The following EPB41L4A variants were observed in gnomAD, a reference collection of about 807,000 sequenced individuals.
EPB41L4A encodes erythrocyte membrane protein band 4.1 like 4A, also known as band 4.1-like protein 4A.
A neutral mutation model predicts 108.6 loss-of-function variants in EPB41L4A; 100 were observed. That is an observed-to-expected ratio of 0.92 (90% CI 0.78 to 1.09). The LOEUF is 1.09. EPB41L4A is among the 50% of genes least tolerant of loss of function. The pLI, the probability that EPB41L4A is intolerant of heterozygous loss-of-function variation, is 0.00. For synonymous variants in EPB41L4A, 319 were observed against 289.0 expected, an observed-to-expected ratio of 1.10 and a Z score of -1.05; for missense variants, 1,030 against 842.7, an observed-to-expected ratio of 1.22 and a Z score of -2.75.
At chr5:112,157,203 A>C (rs1373783039) in intron 12 of EPB41L4A, among the ~76,000 whole-genome samples, 1 of 152,106 alleles carries the variant, frequency 6.6e-6, no homozygotes, top group Non-Finnish European at 1.5e-5. Context: ...ATCTGTGTAG[A>C]AAGGATGGGC....
intron 18 of EPB41L4A, among the ~76,000 whole-genome samples, chr5:112,182,238 T>A (rs1761196390): frequency 6.6e-6 from 1 of 152,104 alleles, no homozygotes. Flanking sequence ...GATGAGAGGA[T>A]CTGGCTGTAT....
chr5:112,214,554 G>C (rs932316036), intron 12 of EPB41L4A, among the ~76,000 whole-genome samples: 18 of 152,084 alleles, frequency 1.2e-4, no homozygotes, highest in African/African-American at 3.9e-4. Flanking sequence ...ATGAGGTCAG[G>C]AGATCGAGAC....
chr5:112,348,639 T>C (rs1757840135), intron 1 of EPB41L4A, among the ~76,000 whole-genome samples: 1 of 152,078 alleles, frequency 6.6e-6, no homozygotes, highest in South Asian at 2.1e-4. Flanking sequence ...GGGTGAGGAA[T>C]GTGATCAGAC....
intron 11 of EPB41L4A, among the ~76,000 whole-genome samples, chr5:112,236,824 G>A (rs1749371983): frequency 6.6e-6 from 1 of 152,188 alleles, no homozygotes; most frequent in South Asian, 2.1e-4. Flanking sequence ...TACTTTTGGA[G>A]GCTCCAATTT....
intron 4 of EPB41L4A, among the ~76,000 whole-genome samples, chr5:112,273,306 A>G (rs968863864): frequency 1.3e-5 from 2 of 152,202 alleles, no homozygotes; most frequent in African/African-American, 2.4e-5. Flanking sequence ...CTTTCAATAC[A>G]ACTGGTTGTA....
At chr5:112,269,968 G>A (rs918281922) in intron 4 of EPB41L4A, among the ~76,000 whole-genome samples, 7 of 152,156 alleles carry the variant, frequency 4.6e-5, no homozygotes, top group Admixed American at 3.3e-4. Flanking sequence ...CACAACACGA[G>A]AGACGGGCCT....
chr5:112,269,673 A>C (rs1161825130), intron 4 of EPB41L4A, among the ~76,000 whole-genome samples: 1 of 152,168 alleles, frequency 6.6e-6, no homozygotes, highest in Non-Finnish European at 1.5e-5. Context: ...TCACTTCATC[A>C]TTCTCTAAAG....
intron 2 of EPB41L4A, among the ~76,000 whole-genome samples, chr5:112,299,916 T>G (rs543500077): frequency 6.6e-6 from 1 of 152,338 alleles, no homozygotes; most frequent in East Asian, 1.9e-4. Flanking sequence ...TATAATGTCC[T>G]ACTTTGTCTT....
chr5:112,165,758 T>G (rs1760206873), intron 22 of EPB41L4A, among the ~76,000 whole-genome samples: 1 of 152,196 alleles, frequency 6.6e-6, no homozygotes, highest in South Asian at 2.1e-4. Context: ...GCATATTTCC[T>G]TCCCCAAATG....
chr5:112,203,650 T>C lies in EPB41L4A; in HGVS notation c.1376+725A>G, dbSNP rs545741280. Among the ~76,000 whole-genome samples the C allele has an allele frequency of 2.8e-4, 43 of 152,362 alleles. 1 individual carries two copies. In the South Asian group the frequency reaches 5.4e-3, roughly 19 times the overall value. On this transcript the variant is annotated intron_variant, in intron 15 of 22. Transcript: ENST00000261486. ...TAAAATGTAACAGGATTCATTTTTT[T>C]CTGTGCTTTAAAAGGCGTTTTTCAG...
At chr5:112,151,767 G>A (rs1053433261) in intron 12 of EPB41L4A, among the ~76,000 whole-genome samples, 1 of 147,508 alleles carries the variant, frequency 6.8e-6, no homozygotes, top group Non-Finnish European at 1.5e-5. Context: ...TTTCTCTATT[G>A]TTGCTCAAAC....
At chr5:112,332,794 T>A (rs907783779) in intron 1 of EPB41L4A, among the ~76,000 whole-genome samples, 1 of 152,236 alleles carries the variant, frequency 6.6e-6, no homozygotes, top group Non-Finnish European at 1.5e-5. Context: ...CTCTGCCATA[T>A]CTTCTAAAAA....
At chr5:112,396,058 T>C (rs1580825573) in intron 1 of EPB41L4A, among the ~76,000 whole-genome samples, 1 of 151,910 alleles carries the variant, frequency 6.6e-6, no homozygotes, top group South Asian at 2.1e-4. Context: ...ATGAGAACAC[T>C]TGGACACAGG....
At chr5:112,246,672 C>A (rs1232780319) in intron 9 of EPB41L4A, among the ~76,000 whole-genome samples, 2 of 152,148 alleles carry the variant, frequency 1.3e-5, no homozygotes, top group African/African-American at 4.8e-5. Flanking sequence ...GGTACAGTCA[C>A]CCCAGACACA....
intron 1 of EPB41L4A, among the ~76,000 whole-genome samples, chr5:112,369,967 G>A (rs764836622): frequency 6.6e-5 from 10 of 152,126 alleles, no homozygotes; most frequent in South Asian, 2.1e-4. Context: ...CTCTGCTCCC[G>A]ATTTTATCCA....
chr5:112,360,537 G>A (rs986036186), intron 1 of EPB41L4A, among the ~76,000 whole-genome samples: 2 of 152,214 alleles, frequency 1.3e-5, no homozygotes, highest in African/African-American at 4.8e-5. Context: ...GGCCTCCCGA[G>A]GTGCCGGGAT....
intron 1 of EPB41L4A, among the ~76,000 whole-genome samples, chr5:112,397,815 G>T (rs1761461091): frequency 6.6e-6 from 1 of 152,086 alleles, no homozygotes; most frequent in South Asian, 2.1e-4. Flanking sequence ...GAGAGTCAGG[G>T]ACTAAGTAAA....
At chr5:112,271,244 C>A (rs1470085296) in intron 4 of EPB41L4A, among the ~76,000 whole-genome samples, 1 of 152,190 alleles carries the variant, frequency 6.6e-6, no homozygotes, top group Non-Finnish European at 1.5e-5. Flanking sequence ...GATATGATTA[C>A]TGGATTGACT....
intron 1 of EPB41L4A, among the ~76,000 whole-genome samples, chr5:112,366,539 G>C (rs1244024898): frequency 6.6e-6 from 1 of 152,088 alleles, no homozygotes; most frequent in East Asian, 1.9e-4. Context: ...ACCAGTGATT[G>C]TGAAAGGGCC....
Sources: allele counts gnomAD v4.1 joint callset (sites outside exome capture counted in the v4.1 genomes callset), GRCh38; gene constraint gnomAD v4.1.1; transcripts MANE v1.5; gene names NCBI Gene and HGNC (gene_info 2026-07-23, HGNC 2026-07-21).